The following BUB1B variants were observed in gnomAD, a reference collection of about 807,000 sequenced individuals.
BUB1B encodes BUB1 mitotic checkpoint serine/threonine kinase B, also known as mitotic checkpoint serine/threonine-protein kinase BUB1 beta.
In BUB1B, 86 loss-of-function variants were observed where a neutral mutation model predicts 137.7. The ratio of observed to expected loss-of-function variants is 0.62; its 90% CI spans 0.52 to 0.75. The LOEUF (loss-of-function observed/expected upper bound fraction) is 0.75. Among genes scored for constraint, BUB1B ranks in the 30% least tolerant of loss-of-function variants. The pLI, the probability that BUB1B is intolerant of heterozygous loss-of-function variation, is 0.00. For missense variants in BUB1B, 1,130 were observed against 1,236.9 expected (o/e 0.91, Z 1.30); for synonymous variants, 420 against 417.9 (o/e 1.00, Z -0.06).
chr15:40,188,045 A>G (rs958532949), intron 8 of BUB1B, among the ~76,000 whole-genome samples: 1 of 152,186 alleles, frequency 6.6e-6, no homozygotes, highest in South Asian at 2.1e-4. Context: ...TGGTACAGGA[A>G]ATATTAAACT....
intron 20 of BUB1B, 96 bp downstream of exon 20, chr15:40,213,570 C>T: frequency 7.4e-7 from 1 of 1,358,178 alleles, no homozygotes; most frequent in African/African-American, 1.4e-5. Context: ...GGGTCTCACT[C>T]TGTCACCTAG....
chr15:40,187,571 A>C (rs1005024766), intron 8 of BUB1B, among the ~76,000 whole-genome samples: 1 of 152,086 alleles, frequency 6.6e-6, no homozygotes, highest in Non-Finnish European at 1.5e-5. Context: ...AGCCTGGGCA[A>C]CAGGGCAAGA....
rs2037551011 is a variant in BUB1B, at chr15:40,200,354, T to G, written c.1512T>G (p.Cys504Trp). Residue 504 changes from cysteine (C) to tryptophan (W), a missense_variant, in exon 11 of 23, where the codon TGT becomes TGG. By Grantham distance (215) the Cys-to-Trp change is radical. Transcript: ENST00000287598. ...GTTCTGTTTGTCAAGTAAACTGTTG[T>G]GCCAGGTAAGACTACATAGGTGGAA... ...LSSSVCQVNC[C>W]ARETSLAENI... The G allele has an allele frequency of 6.2e-7, 1 of 1,612,846 alleles. No homozygotes were observed. Among genetic ancestry groups the G allele is most frequent in the Non-Finnish European group, 8.5e-7 (1 of 1,178,952 alleles).
chr15:40,179,853 A>G (rs1376857258), intron 5 of BUB1B, among the ~76,000 whole-genome samples: 1 of 152,002 alleles, frequency 6.6e-6, no homozygotes, highest in Non-Finnish European at 1.5e-5. Context: ...CAGAAGCTTT[A>G]TAACCATAAA....
chr15:40,192,810 T>TA (rs1468675716), intron 8 of BUB1B, among the ~76,000 whole-genome samples: 2 of 152,252 alleles, frequency 1.3e-5, no homozygotes, highest in African/African-American at 4.8e-5. Context: ...TTTGGTGACT[T>TA]ACAAGTTTTA....
rs2037638663 is a variant in BUB1B, at chr15:40,206,473, A to G, written c.2009+15A>G. 1 of 1,613,932 alleles carries G rather than the reference A, an allele frequency of 6.2e-7. No homozygotes were observed. Among genetic ancestry groups the G allele is most frequent in the South Asian group, 1.1e-5 (1 of 91,060 alleles). On this transcript the variant is annotated intron_variant, in intron 15 of 22. Coordinates refer to ENST00000287598, the MANE Select transcript of BUB1B (RefSeq NM_001211.6). ...AAGAAGCTGAGGTGATTGGGGATTTACAGGTTTTACAAACCAGATTGTTTA... is the reference window on the plus strand; with the variant it reads ...AAGAAGCTGAGGTGATTGGGGATTTGCAGGTTTTACAAACCAGATTGTTTA...
In BUB1B at chr15:40,196,671, G is replaced by T; in HGVS notation, c.1185G>T (p.Lys395Asn). 1 of 1,614,066 alleles carries T rather than the reference G, an allele frequency of 6.2e-7. No individual in the cohort carries two copies. Among genetic ancestry groups the T allele is most frequent in the Non-Finnish European group, 8.5e-7 (1 of 1,179,948 alleles). Residue 395 changes from lysine to asparagine, a missense_variant, in exon 9 of 23, where the codon AAG becomes AAT. Physicochemically the swap from Lys to Asn is moderately conservative, Grantham distance 94. Coordinates refer to ENST00000287598, the MANE Select transcript of BUB1B (RefSeq NM_001211.6). Reference protein sequence around the residue: ...HQQASEEKKEKMMYCKEKIYA... With the variant: ...HQQASEEKKENMMYCKEKIYA... ...AAGCGTCTGAGGAGAAGAAAGAGAA[G>T]ATGATGTATTGTAAGGAGAAGATTT...
At chr15:40,185,985 G>A (rs950939846) in intron 8 of BUB1B, among the ~76,000 whole-genome samples, 1 of 152,168 alleles carries the variant, frequency 6.6e-6, no homozygotes, top group African/African-American at 2.4e-5. Flanking sequence ...CATTAATTAG[G>A]TTTATATTTT....
intron 8 of BUB1B, among the ~76,000 whole-genome samples, chr15:40,193,468 C>CTTTTTTTTTTTT (rs555918648): frequency 1.3e-5 from 1 of 79,738 alleles, no homozygotes; most frequent in Non-Finnish European, 2.4e-5. Context: ...CTTATTACCA[C>CTTTTTTTTTTTT]TTTTTTTTTT....
chr15:40,164,336 T>C (rs966999728), intron 1 of BUB1B, among the ~76,000 whole-genome samples: 5 of 151,852 alleles, frequency 3.3e-5, no homozygotes, highest in Non-Finnish European at 7.4e-5. Flanking sequence ...CAAGCAATGC[T>C]CCCACCTCAG....
At chr15:40,170,410 G>A (rs2037148324) in intron 3 of BUB1B, 127 bp from the exon 4 acceptor site, 2 of 1,117,282 alleles carry the variant, frequency 1.8e-6, no homozygotes, top group South Asian at 2.6e-5. Flanking sequence ...ACAGGCTTAG[G>A]GTATGTCATT....
At chr15:40,213,709 G>A (rs1476078513) in intron 20 of BUB1B, among the ~76,000 whole-genome samples, 1 of 151,972 alleles carries the variant, frequency 6.6e-6, no homozygotes, top group Non-Finnish European at 1.5e-5. Flanking sequence ...CTAATTTTTT[G>A]TATTTTTTGG....
At chr15:40,189,964 T>C (rs1025527380) in intron 8 of BUB1B, among the ~76,000 whole-genome samples, 3 of 152,222 alleles carry the variant, frequency 2.0e-5, no homozygotes, top group South Asian at 4.1e-4. Context: ...CTAATGATGT[T>C]GAGCCTATTT....
At chr15:40,211,341 A>G (rs181393729) in intron 18 of BUB1B, among the ~76,000 whole-genome samples, 2 of 151,566 alleles carry the variant, frequency 1.3e-5, no homozygotes, top group South Asian at 2.1e-4. Context: ...CTCTATTCGT[A>G]TTTAAGTATG....
At chr15:40,212,408 C>T (rs1341419504) in intron 18 of BUB1B, 91 bp from the exon 19 acceptor site, 53 of 954,308 alleles carry the variant, frequency 5.6e-5, no homozygotes, top group Non-Finnish European at 1.7e-6. Context: ...TATTATTTCT[C>T]TATCAGAAGG....
chr15:40,220,356 A>G (rs2037880937), intron 22 of BUB1B, among the ~76,000 whole-genome samples: 1 of 152,102 alleles, frequency 6.6e-6, no homozygotes, highest in East Asian at 1.9e-4. Flanking sequence ...CTTTATGTGC[A>G]TTGTATCTTG....
chr15:40,220,292 T>C (rs375495583), intron 22 of BUB1B, among the ~76,000 whole-genome samples: 1 of 152,216 alleles, frequency 6.6e-6, no homozygotes, highest in East Asian at 1.9e-4. Context: ...AGAAAAGTGC[T>C]ATGTCTTAGT....
At chr15:40,178,242 C>T (rs1175837050) in intron 5 of BUB1B, among the ~76,000 whole-genome samples, 1 of 151,850 alleles carries the variant, frequency 6.6e-6, no homozygotes, top group Non-Finnish European at 1.5e-5. Context: ...TAGTTGTATC[C>T]CACAAGTTGT....
chr15:40,201,005 G>A (rs2140901005), intron 12 of BUB1B, 25 bp downstream of exon 12: 1 of 1,606,332 alleles, frequency 6.2e-7, no homozygotes, highest in Non-Finnish European at 8.5e-7. Context: ...ACAGCCTTGA[G>A]AAGAACTTGC....
Sources: gnomAD v4.1 joint callset for allele counts (sites outside exome capture counted in the v4.1 genomes callset) on GRCh38, gnomAD v4.1.1 for gene constraint, MANE v1.5 for transcripts, NCBI Gene and HGNC (gene_info 2026-07-23, HGNC 2026-07-21) for gene names.